GCNT1: variants seen among roughly 807,000 people sequenced by gnomAD.
The protein encoded by GCNT1 is glucosaminyl (N-acetyl) transferase 1.
A neutral mutation model predicts 26.2 loss-of-function variants in GCNT1; 16 were observed. The observed-to-expected ratio is 0.61, with a 90% CI of 0.41 to 0.93. The LOEUF (loss-of-function observed/expected upper bound fraction) is 0.93. Ranked by LOEUF, GCNT1 falls within the 40% of genes least tolerant of loss-of-function variation. The pLI, the probability that GCNT1 is intolerant of heterozygous loss-of-function variation, is 0.00. For missense variants in GCNT1, 477 were observed against 526.7 expected, an observed-to-expected ratio of 0.91 and a Z score of 0.92; for synonymous variants, 183 against 190.8, an observed-to-expected ratio of 0.96 and a Z score of 0.34.
chr9:76,433,922 C>T (rs1823370772), intron 1 of GCNT1, among the ~76,000 whole-genome samples: 1 of 152,140 alleles, frequency 6.6e-6, no homozygotes, highest in Non-Finnish European at 1.5e-5. Context: ...TGCAAAGTGC[C>T]ACTGAGCTGA....
At chr9:76,459,756 G>A (rs541664788) in intron 1 of GCNT1, among the ~76,000 whole-genome samples, 13 of 152,262 alleles carry the variant, frequency 8.5e-5, no homozygotes, top group African/African-American at 3.1e-4. Context: ...AGAGGCCAAC[G>A]CTAGGATAAT....
the GCNT1 span, among the ~76,000 whole-genome samples, chr9:76,395,975 T>C: frequency 2.6e-5 from 4 of 152,168 alleles, no homozygotes; most frequent in Admixed American, 2.6e-4. Flanking sequence ...GTCAGAATGA[T>C]TTTTTTGTAT....
chr9:76,478,184 C>T (rs1219555649), intron 2 of GCNT1, among the ~76,000 whole-genome samples: 2 of 152,188 alleles, frequency 1.3e-5, no homozygotes, highest in Non-Finnish European at 2.9e-5. Flanking sequence ...AGGTATCCTT[C>T]CATGTAGTGG....
At chr9:76,488,188 A>G (rs1439077431) in intron 2 of GCNT1, among the ~76,000 whole-genome samples, 1 of 152,220 alleles carries the variant, frequency 6.6e-6, no homozygotes, top group African/African-American at 2.4e-5. Flanking sequence ...ATGATTAATG[A>G]ATACATCTTG....
chr9:76,488,073 A>G (rs963764689), intron 2 of GCNT1, among the ~76,000 whole-genome samples: 5 of 152,220 alleles, frequency 3.3e-5, no homozygotes, highest in Non-Finnish European at 7.3e-5. Context: ...GTAGCTGGAC[A>G]GTAGCTGGAA....
Position 76,444,380 on chromosome 9 carries a change from T to C in GCNT1, c.-290+2065T>C, listed in dbSNP as rs141554214. Among the ~76,000 whole-genome samples the C allele has an allele frequency of 7.8e-3, 1,186 of 152,168 alleles. 8 individuals are homozygous for C. Among genetic ancestry groups the C allele is most frequent in the African/African-American group, 0.027 (1,125 of 41,526 alleles). ...GAGAAAAAAGAAGAGATCTGAGGCC[T>C]GAGTCGTGAAGCTCTGCAGGGTTAA... On this transcript the variant is annotated intron_variant, in intron 1 of 2. Transcript: ENST00000442371.
chr9:76,502,819 T>C lies in GCNT1; in HGVS notation c.438T>C (p.Pro146=). 1 of 1,614,134 alleles carries C rather than the reference T, an allele frequency of 6.2e-7. No homozygotes were observed. The highest frequency in any genetic ancestry group is 2.2e-5 in the East Asian group (1 of 44,890). Residue 146 remains proline, a synonymous_variant, in exon 4 of 4, where the codon CCT becomes CCC. Coordinates refer to ENST00000376730, the MANE Select transcript of GCNT1 (RefSeq NM_001490.5). ...LDRLLRAIYM[P]QNFYCIHVDT... Reference sequence around the variant, plus strand: ...GGCTGCTGAGGGCCATCTATATGCCTCAGAATTTCTATTGCATTCATGTGG... The same window carrying C: ...GGCTGCTGAGGGCCATCTATATGCCCCAGAATTTCTATTGCATTCATGTGG...
At chr9:76,466,488 C>T (rs1381536264) in intron 2 of GCNT1, among the ~76,000 whole-genome samples, 1 of 152,086 alleles carries the variant, frequency 6.6e-6, no homozygotes, top group African/African-American at 2.4e-5. Flanking sequence ...TTTCTAGAGA[C>T]GGGTCTCACC....
At position 76,503,029 on chromosome 9, in the gene GCNT1, T is replaced by C; in HGVS notation, c.648T>C (p.Leu216=). The part of the protein sequence containing the change: ...MSANWKYLIN[L]CGMDFPIKTN... ...CAAACTGGAAGTACTTGATAAATCTTTGTGGTATGGATTTTCCCATTAAAA... is the reference window on the plus strand; with the variant it reads ...CAAACTGGAAGTACTTGATAAATCTCTGTGGTATGGATTTTCCCATTAAAA... Residue 216 remains leucine, a synonymous_variant, in exon 4 of 4, where the codon CTT becomes CTC. Transcript: ENST00000376730. The C allele has an allele frequency of 1.2e-6, 2 of 1,614,038 alleles. No individual in the cohort carries two copies. Among genetic ancestry groups the C allele is most frequent in the South Asian group, 2.2e-5 (2 of 91,086 alleles).
chr9:76,424,280 T>A lies in GCNT1; in HGVS notation n.38+4393T>A, dbSNP rs531764700. Among the ~76,000 whole-genome samples, 18 of 152,310 alleles carry A rather than the reference T, an allele frequency of 1.2e-4. No homozygotes were observed. The South Asian group carries it at 3.7e-3, about 32-fold the overall frequency. The stretch of plus-strand genomic sequence containing the variant: ...CAAGGCCTGGGTCCTGGGGAAGCAG[T>A]CTGTGCAGCAGGAGCCTGCCTCGGG... On this transcript the variant is annotated intron_variant and non_coding_transcript_variant, in intron 1 of 3. Coordinates refer to the GCNT1 transcript ENST00000488136.
chr9:76,466,691 A>C (rs539233654), intron 2 of GCNT1, among the ~76,000 whole-genome samples: 4 of 152,206 alleles, frequency 2.6e-5, no homozygotes, highest in African/African-American at 9.6e-5. Context: ...GAGGGTGAGA[A>C]CACAGTGCAG....
intron 2 of GCNT1, among the ~76,000 whole-genome samples, chr9:76,497,871 A>G (rs1216855617): frequency 6.6e-6 from 1 of 151,956 alleles, no homozygotes; most frequent in Non-Finnish European, 1.5e-5. Flanking sequence ...GAATATTCAC[A>G]TACCATAATG....
At chr9:76,454,703 C>A (rs1283961091), upstream of GCNT1, among the ~76,000 whole-genome samples, 3 of 152,038 alleles carry the variant, frequency 2.0e-5, no homozygotes, top group Non-Finnish European at 4.4e-5. Flanking sequence ...TCTTATAAGG[C>A]TGTTTTCCCT....
intron 2 of GCNT1, among the ~76,000 whole-genome samples, chr9:76,486,322 A>G (rs780486665): frequency 9.2e-5 from 14 of 152,196 alleles, no homozygotes; most frequent in Non-Finnish European, 1.9e-4. Context: ...TTCATCTTTT[A>G]GTGGCATACT....
intron 1 of GCNT1, among the ~76,000 whole-genome samples, chr9:76,451,384 A>G (rs1216169636): frequency 2.6e-5 from 4 of 152,106 alleles, no homozygotes; most frequent in Admixed American, 1.3e-4. Flanking sequence ...ATGATAAAAG[A>G]ATATTATTCA....
the GCNT1 span, among the ~76,000 whole-genome samples, chr9:76,397,310 A>AT: frequency 4.6e-5 from 6 of 129,328 alleles, no homozygotes; most frequent in Non-Finnish European, 7.2e-5. Flanking sequence ...AAATAGATAG[A>AT]TTTAAAAAAA....
chr9:76,470,358 C>A (rs1564235152), intron 2 of GCNT1, among the ~76,000 whole-genome samples: 1 of 152,054 alleles, frequency 6.6e-6, no homozygotes, highest in Non-Finnish European at 1.5e-5. Context: ...AATTTCAGCA[C>A]TTTGGGAGGT....
intron 2 of GCNT1, among the ~76,000 whole-genome samples, chr9:76,480,038 G>A (rs1342209249): frequency 1.3e-5 from 2 of 152,188 alleles, no homozygotes; most frequent in African/African-American, 2.4e-5. Flanking sequence ...TGTATAAGGT[G>A]TAAGGAAGGG....
chr9:76,448,227 G>A (rs770272271), intron 1 of GCNT1, among the ~76,000 whole-genome samples: 6 of 152,180 alleles, frequency 3.9e-5, no homozygotes, highest in East Asian at 1.9e-4. Flanking sequence ...CGAGGCAGGC[G>A]GATTACTTAA....
Sources: gnomAD v4.1 joint callset for allele counts (sites outside exome capture counted in the v4.1 genomes callset) on GRCh38, gnomAD v4.1.1 for gene constraint, MANE v1.5 for transcripts, NCBI Gene and HGNC (gene_info 2026-07-23, HGNC 2026-07-21) for gene names.